PEMT: variants seen among roughly 807,000 people sequenced by gnomAD.
PEMT encodes phosphatidylethanolamine N-methyltransferase.
Under a neutral mutation model 27.4 loss-of-function variants are expected in PEMT, and 23 were observed. That is an observed-to-expected ratio of 0.84 (90% CI 0.60 to 1.19). PEMT has a LOEUF of 1.19. Ranked by LOEUF, PEMT falls within the 50% of genes most tolerant of loss-of-function variation. The pLI is 0.00. For synonymous variants in PEMT, 137 were observed against 139.1 expected, an observed-to-expected ratio of 0.98 and a Z score of 0.11; for missense variants, 307 against 310.1, an observed-to-expected ratio of 0.99 and a Z score of 0.07.
intron 2 of PEMT, among the ~76,000 whole-genome samples, chr17:17,562,240 C>T (rs73298562): frequency 0.043 from 6,522 of 152,336 alleles, 386 homozygotes; most frequent in African/African-American, 0.13. Context: ...GCTTCTGTAA[C>T]ACCAGTGCTG....
intron 1 of PEMT, among the ~76,000 whole-genome samples, chr17:17,588,142 G>A (rs1200055647): frequency 6.6e-6 from 1 of 152,196 alleles, no homozygotes; most frequent in African/African-American, 2.4e-5. Flanking sequence ...TTGTTTTGAT[G>A]AGCAGCCACG....
At position 17,534,106 on chromosome 17, in the gene PEMT, G is replaced by A. The variant is rs138314578; in HGVS notation, c.205-11711C>T. Among the ~76,000 whole-genome samples the A allele has an allele frequency of 2.8e-4, 43 of 152,256 alleles. No individual in the cohort carries two copies. The East Asian group carries it at 7.7e-3, about 27-fold the overall frequency. On this transcript the variant is annotated intron_variant, in intron 2 of 6. Coordinates refer to ENST00000255389, the MANE Select transcript of PEMT (RefSeq NM_148172.3). The stretch of plus-strand genomic sequence containing the variant: ...CATTCCACTCCTAGTATTTACTTAA[G>A]AAAGATGAAAGCAGCTATCCAGGCA...
intron 3 of PEMT, among the ~76,000 whole-genome samples, chr17:17,516,494 G>A (rs1158036497): frequency 6.6e-6 from 1 of 152,144 alleles, no homozygotes; most frequent in Non-Finnish European, 1.5e-5. Flanking sequence ...GGAGGGGCAG[G>A]ATGGCTCTCC....
intron 2 of PEMT, among the ~76,000 whole-genome samples, chr17:17,572,363 G>A (rs1379616175): frequency 6.6e-6 from 1 of 152,112 alleles, no homozygotes; most frequent in Non-Finnish European, 1.5e-5. Flanking sequence ...CCCATGGCCC[G>A]CAAGGCCTGC....
At chr17:17,548,571 G>A (rs893851673) in intron 2 of PEMT, among the ~76,000 whole-genome samples, 9 of 151,824 alleles carry the variant, frequency 5.9e-5, no homozygotes, top group South Asian at 2.1e-4. Flanking sequence ...TTTTTGAGAC[G>A]CAGTTTCGCT....
At chr17:17,559,912 G>C (rs1031300318) in intron 2 of PEMT, among the ~76,000 whole-genome samples, 1 of 152,182 alleles carries the variant, frequency 6.6e-6, no homozygotes, top group Admixed American at 6.5e-5. Flanking sequence ...GCTCTTCCTG[G>C]CCTGAGTGGG....
At position 17,523,641 on chromosome 17, in the gene PEMT, C is replaced by T. The variant is rs960977826; in HGVS notation, c.205-1246G>A. ...CCTAGTCCAGGTCTCAGCAGGTGGC[C>T]GCTGCTGACTCTGTGGGAAGCTCAA... On this transcript the variant is annotated intron_variant, in intron 2 of 6. Transcript: ENST00000255389. The surrounding 1 kb of genome is among the most constrained non-coding windows in gnomAD (Gnocchi z 4.8). Among the ~76,000 whole-genome samples the T allele has an allele frequency of 7.2e-5, 11 of 152,046 alleles. No homozygotes were observed. The highest frequency in any genetic ancestry group is 6.2e-4 in the South Asian group (3 of 4,812).
chr17:17,557,574 T>C (rs1910146685), intron 2 of PEMT, among the ~76,000 whole-genome samples: 1 of 152,218 alleles, frequency 6.6e-6, no homozygotes, highest in South Asian at 2.1e-4. Context: ...TTCCTGCTCA[T>C]GGCCAAAAGC....
intron 2 of PEMT, among the ~76,000 whole-genome samples, chr17:17,563,526 T>A (rs1428036235): frequency 6.6e-6 from 1 of 152,058 alleles, no homozygotes; most frequent in Non-Finnish European, 1.5e-5. Context: ...TGGCCTGAGA[T>A]AGAGGAAGGC....
intron 1 of PEMT, among the ~76,000 whole-genome samples, chr17:17,584,559 G>A (rs1441280965): frequency 5.3e-5 from 8 of 151,996 alleles, no homozygotes; most frequent in East Asian, 1.9e-4. Context: ...CTCCCACCTC[G>A]GCCTCCTCCC....
At chr17:17,548,707 C>T (rs973142973) in intron 2 of PEMT, among the ~76,000 whole-genome samples, 5 of 152,192 alleles carry the variant, frequency 3.3e-5, no homozygotes, top group Admixed American at 3.3e-4. Context: ...CACCACCACG[C>T]CTGGCTAAGT....
At chr17:17,558,682 GAAA>G (rs141641212) in intron 2 of PEMT, among the ~76,000 whole-genome samples, 3 of 95,556 alleles carry the variant, frequency 3.1e-5, no homozygotes, top group Non-Finnish European at 4.4e-5. Context: ...CCAGTCTCAC[GAAA>G]AAAAAAAAAA....
At position 17,563,730 on chromosome 17, in the gene PEMT, G is replaced by A. The variant is rs80337637; in HGVS notation, c.204+13190C>T. Among the ~76,000 whole-genome samples the A allele has an allele frequency of 2.4e-3, 368 of 152,316 alleles. 4 individuals are homozygous for A. Among genetic ancestry groups the A allele is most frequent in the African/African-American group, 8.5e-3 (354 of 41,562 alleles). On this transcript the variant is annotated intron_variant, in intron 2 of 6. Transcript: ENST00000255389. ...CACACCAAGCTCCTCAGCCAACCCTGAGGAAGGGACGCTATGCTCATCTTA... is the reference window on the plus strand; with the variant it reads ...CACACCAAGCTCCTCAGCCAACCCTAAGGAAGGGACGCTATGCTCATCTTA...
At chr17:17,524,894 G>C (rs113849478) in intron 2 of PEMT, among the ~76,000 whole-genome samples, 14,972 of 152,216 alleles carry the variant, frequency 0.098, 870 homozygotes, top group East Asian at 0.18. Flanking sequence ...TGGATCATGA[G>C]GTCAAGAGAT....
At chr17:17,508,540 G>C (rs1906087304) in intron 5 of PEMT, among the ~76,000 whole-genome samples, 1 of 152,232 alleles carries the variant, frequency 6.6e-6, no homozygotes, top group African/African-American at 2.4e-5. Context: ...GTCTTGTGGA[G>C]AACCTGTAAA....
intron 1 of PEMT, among the ~76,000 whole-genome samples, chr17:17,588,594 G>A (rs1678689819): frequency 6.6e-6 from 1 of 152,150 alleles, no homozygotes; most frequent in South Asian, 2.1e-4. Context: ...ACACCAAGCT[G>A]GAGACATCAT....
intron 2 of PEMT, among the ~76,000 whole-genome samples, chr17:17,568,082 C>T (rs981836363): frequency 3.9e-5 from 6 of 152,132 alleles, no homozygotes; most frequent in Admixed American, 1.3e-4. Context: ...CACATGCCAC[C>T]ATCCTTGAGC....
intron 2 of PEMT, among the ~76,000 whole-genome samples, chr17:17,552,089 C>A (rs1051241178): frequency 6.6e-6 from 1 of 152,164 alleles, no homozygotes; most frequent in African/African-American, 2.4e-5. Context: ...GTAATCCCAG[C>A]TACTTGGTAG....
At chr17:17,558,774 G>C (rs928542865) in intron 2 of PEMT, among the ~76,000 whole-genome samples, 1 of 150,764 alleles carries the variant, frequency 6.6e-6, no homozygotes, top group East Asian at 1.9e-4. Context: ...AGCCCTCCTA[G>C]GCCTCAGGTG....
Sources: gnomAD v4.1 joint callset for allele counts (sites outside exome capture counted in the v4.1 genomes callset) on GRCh38, gnomAD v4.1.1 for gene constraint, Gnocchi (gnomAD v3.1) non-coding constraint, MANE v1.5 for transcripts, NCBI Gene and HGNC (gene_info 2026-07-23, HGNC 2026-07-21) for gene names.